Variants in UNC13B observed in about 807,000 individuals in gnomAD.
The protein encoded by UNC13B is unc-13 homolog B.
Under a neutral mutation model 211.0 loss-of-function variants are expected in UNC13B, and 144 were observed. The ratio of observed to expected loss-of-function variants is 0.68; its 90% CI spans 0.60 to 0.78. UNC13B has a LOEUF of 0.78. Ranked by LOEUF, UNC13B falls within the 30% of genes least tolerant of loss-of-function variation. The probability of loss-of-function intolerance (pLI) is 0.00; values close to 1 mark genes in which losing one functional copy is unlikely to be tolerated. For synonymous variants in UNC13B, 709 were observed against 725.8 expected (o/e 0.98, Z 0.37); for missense variants, 1,777 against 2,002.0 (o/e 0.89, Z 2.14).
chr9:35,254,527 G>T (rs1445439546), intron 6 of UNC13B, among the ~76,000 whole-genome samples: 2 of 152,108 alleles, frequency 1.3e-5, no homozygotes, highest in Non-Finnish European at 2.9e-5. Flanking sequence ...TTTGGTGGGG[G>T]CAGGGGTGGT....
At chr9:35,391,608 G>A (rs1382175976) in intron 26 of UNC13B, among the ~76,000 whole-genome samples, 1 of 152,226 alleles carries the variant, frequency 6.6e-6, no homozygotes. Flanking sequence ...CACAAGCCCA[G>A]AGCAGGGCTG....
intron 7 of UNC13B, among the ~76,000 whole-genome samples, chr9:35,266,300 C>A (rs1266297051): frequency 6.6e-6 from 1 of 152,228 alleles, no homozygotes; most frequent in Non-Finnish European, 1.5e-5. Context: ...GGCCCCTCCA[C>A]TACCCAGTGT....
intron 5 of UNC13B, 85 bp from the exon 6 acceptor site, chr9:35,243,206 A>G (rs17849234): frequency 9.3e-5 from 127 of 1,370,616 alleles, no homozygotes; most frequent in Middle Eastern, 5.5e-4. Context: ...GACTTCAGTC[A>G]TTAGACAGAG....
chr9:35,315,051 A>C (rs1200878959), intron 11 of UNC13B, among the ~76,000 whole-genome samples: 1 of 148,474 alleles, frequency 6.7e-6, no homozygotes, highest in Non-Finnish European at 1.5e-5. Flanking sequence ...TAATTTAAAA[A>C]AAATTTTTTT....
In UNC13B at chr9:35,300,965, G is replaced by A. The variant is rs1829650562; in HGVS notation, c.1561G>A (p.Asp521Asn). Residue 521 changes from aspartate (D) to asparagine (N), a missense_variant, in exon 9 of 40, where the codon GAC becomes AAC. By Grantham distance (23) the Asp-to-Asn change is conservative. Coordinates refer to ENST00000635942, the MANE Select transcript of UNC13B (RefSeq NM_001371189.2). ...PPLTIVKNDKDTAISFPELTG... is the reference protein window; with the variant it reads ...PPLTIVKNDKNTAISFPELTG... ...TTTAACTATTGTCAAGAATGACAAG[G>A]ACACGGCCATCTCTTTCCCTGAGTT... The A allele has an allele frequency of 5.0e-6, 2 of 398,962 alleles. No homozygotes were observed. The highest frequency in any genetic ancestry group is 8.8e-6 in the Non-Finnish European group (2 of 226,008). The allele number at this position is 398,962 out of a possible 1,614,324, so 24.7% of individuals were successfully genotyped here. A position where few individuals can be genotyped will look rare whatever the true frequency, so the allele number is the denominator to read the frequency against.
At chr9:35,400,643 G>T (rs927687622) in intron 37 of UNC13B, among the ~76,000 whole-genome samples, 200 bp downstream of exon 37, 1 of 152,180 alleles carries the variant, frequency 6.6e-6, no homozygotes, top group African/African-American at 2.4e-5. Context: ...AATCACAGAG[G>T]CCTGGGAAAT....
At chr9:35,375,266 T>A (rs1295737523) in intron 14 of UNC13B, 65 bp downstream of exon 14, 1 of 1,530,758 alleles carries the variant, frequency 6.5e-7, no homozygotes, top group African/African-American at 1.4e-5. Flanking sequence ...TCTGTAGCCA[T>A]GCTATTAATA....
In UNC13B at chr9:35,400,347, A is replaced by G; in HGVS notation, c.12388A>G (p.Ser4130Gly). 1 of 1,614,164 alleles carries G rather than the reference A, an allele frequency of 6.2e-7. No homozygotes were observed. Among genetic ancestry groups the G allele is most frequent in the Non-Finnish European group, 8.5e-7 (1 of 1,180,014 alleles). Reference sequence around the variant, plus strand: ...GCTGAAGAAAACCTTCCTGGAGAAGAGCCCAGATCTGCAGTCTCTACGCTA... The same window carrying G: ...GCTGAAGAAAACCTTCCTGGAGAAGGGCCCAGATCTGCAGTCTCTACGCTA... Reference protein sequence around the residue: ...NGLKKTFLEKSPDLQSLRYAL... With the variant: ...NGLKKTFLEKGPDLQSLRYAL... Residue 4130 changes from serine (S) to glycine (G), a missense_variant, in exon 37 of 40, where the codon AGC becomes GGC. Coordinates refer to ENST00000635942, the MANE Select transcript of UNC13B (RefSeq NM_001371189.2).
At chr9:35,182,168 T>C (rs1358515963) in intron 1 of UNC13B, among the ~76,000 whole-genome samples, 1 of 152,208 alleles carries the variant, frequency 6.6e-6, no homozygotes, top group Admixed American at 6.5e-5. Context: ...TAGAGCTCTT[T>C]ATATCTTCCT....
intron 1 of UNC13B, among the ~76,000 whole-genome samples, chr9:35,207,588 G>A (rs1823735865): frequency 6.6e-6 from 1 of 151,754 alleles, no homozygotes; most frequent in South Asian, 2.1e-4. Context: ...TCCCACCTAG[G>A]CCACCCAAAG....
chr9:35,336,505 T>G (rs1489711298), intron 11 of UNC13B, among the ~76,000 whole-genome samples: 5 of 152,196 alleles, frequency 3.3e-5, no homozygotes, highest in Non-Finnish European at 1.5e-5. Context: ...TTTATTTATT[T>G]TATTTTTTCG....
At chr9:35,346,464 C>T (rs1263595226) in intron 11 of UNC13B, among the ~76,000 whole-genome samples, 1 of 152,178 alleles carries the variant, frequency 6.6e-6, no homozygotes, top group Non-Finnish European at 1.5e-5. Flanking sequence ...GTTTTCCTTT[C>T]TCTTTTTCGT....
chr9:35,220,453 C>A lies in UNC13B; in HGVS notation c.23-7562C>A, dbSNP rs369714823. ...CCCCAACTACTCTTTCTAGTAGCTT[C>A]TGTTATTGGTAGTTCTACTGTTTCC... On this transcript the variant is annotated intron_variant, in intron 1 of 39. Transcript: ENST00000635942. 6.7e-4 allele frequency among the ~76,000 whole-genome samples: 102 copies of A among 151,406 alleles called. 1 individual carries two copies. In the East Asian group the frequency reaches 0.016, roughly 23 times the overall value.
At chr9:35,235,933 T>C (rs1482668575) in intron 3 of UNC13B, among the ~76,000 whole-genome samples, 1 of 152,164 alleles carries the variant, frequency 6.6e-6, no homozygotes, top group African/African-American at 2.4e-5. Flanking sequence ...ATTATGATTG[T>C]ATCTCCAAAG....
chr9:35,245,667 A>G (rs538701590), intron 6 of UNC13B, among the ~76,000 whole-genome samples: 12 of 152,142 alleles, frequency 7.9e-5, no homozygotes, highest in African/African-American at 2.9e-4. Flanking sequence ...ATGTCCCTAC[A>G]AAGGACATGA....
chr9:35,320,365 C>G (rs1266744985), intron 11 of UNC13B, among the ~76,000 whole-genome samples: 2 of 151,568 alleles, frequency 1.3e-5, no homozygotes, highest in Non-Finnish European at 2.9e-5. Flanking sequence ...TTAATGCCTA[C>G]CCCCAAAAGT....
intron 1 of UNC13B, among the ~76,000 whole-genome samples, chr9:35,200,170 TGAG>T (rs1823196172): frequency 6.6e-6 from 1 of 152,020 alleles, no homozygotes; most frequent in Non-Finnish European, 1.5e-5. Context: ...GTATTATTTC[TGAG>T]GGTTCTGTTC....
chr9:35,264,830 G>A (rs1010447614), intron 7 of UNC13B, among the ~76,000 whole-genome samples: 1 of 152,156 alleles, frequency 6.6e-6, no homozygotes, highest in Non-Finnish European at 1.5e-5. Context: ...GTAGGCTTTG[G>A]ACTTGCTTAG....
chr9:35,184,000 G>A (rs10121073), intron 1 of UNC13B, among the ~76,000 whole-genome samples: 67,041 of 143,298 alleles, frequency 0.47, 15,303 homozygotes, highest in South Asian at 0.56. Flanking sequence ...TCCCAGACGG[G>A]GCAGCCAGGC....
Sources: allele counts gnomAD v4.1 joint callset (sites outside exome capture counted in the v4.1 genomes callset), GRCh38; gene constraint gnomAD v4.1.1; transcripts MANE v1.5; gene names NCBI Gene and HGNC (gene_info 2026-07-23, HGNC 2026-07-21).